Variants in PPM1H observed in about 807,000 individuals in gnomAD.
PPM1H encodes the protein protein phosphatase, Mg2+/Mn2+ dependent 1H.
Under a neutral mutation model 54.9 loss-of-function variants are expected in PPM1H, and 27 were observed. The ratio of observed to expected loss-of-function variants is 0.49; its 90% confidence interval spans 0.36 to 0.68. The LOEUF is 0.68. PPM1H is among the 30% of genes least tolerant of loss of function. The pLI, the probability that PPM1H is intolerant of heterozygous loss-of-function variation, is 0.00. For synonymous variants in PPM1H, 305 were observed against 270.8 expected (o/e 1.13, Z -1.24); for missense variants, 596 against 667.8 (o/e 0.89, Z 1.19).
At chr12:62,867,593 T>C (rs1869826911) in intron 1 of PPM1H, among the ~76,000 whole-genome samples, 1 of 130,830 alleles carries the variant, frequency 7.6e-6, no homozygotes, top group African/African-American at 3.0e-5. Context: ...TTTTTTTTTT[T>C]TTGAGACAGA....
chr12:62,898,552 C>T lies in PPM1H; in HGVS notation c.245+35940G>A, dbSNP rs11174713. On this transcript the variant is annotated intron_variant, in intron 1 of 9. Transcript: ENST00000228705. ...CAAAACAGTGCAAACATACACAAAT[C>T]ACAACACACTTCTTAATTTGTTCCT... 4.7e-3 allele frequency among the ~76,000 whole-genome samples: 714 copies of T among 152,296 alleles called. 11 individuals are homozygous for T. The East Asian group carries it at 0.068, about 14-fold the overall frequency.
chr12:62,698,929 C>T lies in PPM1H; in HGVS notation c.1074-4930G>A, dbSNP rs569349123. 9.4e-4 allele frequency among the ~76,000 whole-genome samples: 143 copies of T among 152,262 alleles called. 2 individuals carry two copies. Among genetic ancestry groups the T allele is most frequent in the African/African-American group, 3.3e-3 (139 of 41,568 alleles). Reference sequence around the variant, plus strand: ...ATTGTTCCAACTCACTGACAACTTCCTGAACTCAGATCCTTCCATCCAAAA... The same window carrying T: ...ATTGTTCCAACTCACTGACAACTTCTTGAACTCAGATCCTTCCATCCAAAA... On this transcript the variant is annotated intron_variant, in intron 6 of 9. Coordinates refer to ENST00000228705, the MANE Select transcript of PPM1H (RefSeq NM_020700.2).
intron 4 of PPM1H, among the ~76,000 whole-genome samples, chr12:62,770,078 CTT>C (rs35021122): frequency 4.2e-5 from 6 of 144,022 alleles, no homozygotes; most frequent in East Asian, 2.0e-4. Flanking sequence ...CAACTTTCAG[CTT>C]TTTTTTTTTT....
chr12:62,836,095 G>A (rs918877013), intron 1 of PPM1H, among the ~76,000 whole-genome samples: 1 of 152,202 alleles, frequency 6.6e-6, no homozygotes, highest in African/African-American at 2.4e-5. Flanking sequence ...CAGGAAAAAC[G>A]ACTATGCTAT....
At chr12:62,695,715 G>C (rs1438516580) in intron 6 of PPM1H, among the ~76,000 whole-genome samples, 1 of 152,134 alleles carries the variant, frequency 6.6e-6, no homozygotes, top group South Asian at 2.1e-4. Context: ...AGCCAAGGTT[G>C]AGATCCACTA....
intron 1 of PPM1H, among the ~76,000 whole-genome samples, chr12:62,905,785 C>T (rs1871286339): frequency 1.3e-5 from 2 of 152,170 alleles, no homozygotes; most frequent in African/African-American, 4.8e-5. Context: ...TAACCACAGA[C>T]TTCATCCCTC....
rs553797801 is a variant in PPM1H, at chr12:62,702,466, A to G, written c.1074-8467T>C. 1.1e-4 allele frequency among the ~76,000 whole-genome samples: 17 copies of G among 151,990 alleles called. No homozygotes were observed. In the South Asian group the frequency reaches 3.5e-3, roughly 32 times the overall value. ...TGCTTAACCCATGGGCCAGGAACCT[A>G]GAGTTCACACTTTGGCATCATCAAC... On this transcript the variant is annotated intron_variant, in intron 6 of 9. Transcript: ENST00000228705.
chr12:62,785,861 G>GAA lies in PPM1H; in HGVS notation c.869+2363_869+2364dup, dbSNP rs35904349. Among the ~76,000 whole-genome samples, 10 of 129,438 alleles carry GAA rather than the reference G, an allele frequency of 7.7e-5. No homozygotes were observed. In the East Asian group the frequency reaches 1.2e-3, roughly 15 times the overall value. The allele number at this position is 129,438 out of a possible 152,430, so 84.9% of individuals were successfully genotyped here. ...GAAGGAAACTACGTTTAAAAATGAG[G>GAA]AAAAAAAAAAAAAAAAGAGAGAAAA... On this transcript the variant is annotated intron_variant, in intron 4 of 9. Coordinates refer to ENST00000228705, the MANE Select transcript of PPM1H (RefSeq NM_020700.2).
intron 9 of PPM1H, chr12:62,659,200 G>C: frequency 1.5e-6 from 1 of 686,736 alleles, no homozygotes; most frequent in Non-Finnish European, 2.7e-6. Context: ...CCCAATGCCA[G>C]GCTGTGCAGC....
intron 2 of PPM1H, among the ~76,000 whole-genome samples, chr12:62,809,357 C>T (rs2076822786): frequency 6.6e-6 from 1 of 152,220 alleles, no homozygotes; most frequent in Admixed American, 6.5e-5. Flanking sequence ...GGCCTGTACA[C>T]TTATTTTAAG....
chr12:62,889,228 C>T (rs1449596469), intron 1 of PPM1H, among the ~76,000 whole-genome samples: 1 of 152,136 alleles, frequency 6.6e-6, no homozygotes, highest in Non-Finnish European at 1.5e-5. Flanking sequence ...CAATTCCAAT[C>T]AAAATTTCAG....
intron 1 of PPM1H, among the ~76,000 whole-genome samples, chr12:62,858,934 A>G (rs1335569669): frequency 1.3e-5 from 2 of 152,204 alleles, no homozygotes; most frequent in Admixed American, 1.3e-4. Flanking sequence ...CCTAAAACCC[A>G]TTTTAAAGAT....
At chr12:62,839,608 G>A (rs11174689) in intron 1 of PPM1H, among the ~76,000 whole-genome samples, 11,308 of 151,534 alleles carry the variant, frequency 0.075, 569 homozygotes, top group Middle Eastern at 0.14. Flanking sequence ...TGGCCTCATG[G>A]GCATTTGAAT....
intron 1 of PPM1H, chr12:62,850,971 T>C (rs1005410429): frequency 2.0e-5 from 3 of 152,124 alleles, no homozygotes; most frequent in Admixed American, 2.0e-4. Context: ...ATAAATTAAA[T>C]TGAAGAAAAA....
At chr12:62,680,284 C>T (rs2076012304) in intron 8 of PPM1H, among the ~76,000 whole-genome samples, 1 of 150,154 alleles carries the variant, frequency 6.7e-6, no homozygotes, top group South Asian at 2.1e-4. Context: ...CCCTCCCTTC[C>T]TTCCTTTACT....
At chr12:62,659,454 T>C (rs2075869993) in intron 9 of PPM1H, among the ~76,000 whole-genome samples, 1 of 152,122 alleles carries the variant, frequency 6.6e-6, no homozygotes, top group African/African-American at 2.4e-5. Flanking sequence ...CCTGAGAGGA[T>C]GGTGTGAGGG....
intron 6 of PPM1H, among the ~76,000 whole-genome samples, chr12:62,719,167 G>C (rs911185832): frequency 6.6e-6 from 1 of 152,080 alleles, no homozygotes; most frequent in South Asian, 2.1e-4. Flanking sequence ...ATCTTCTCTG[G>C]GTAGCTCAAC....
intron 6 of PPM1H, among the ~76,000 whole-genome samples, chr12:62,697,261 G>A (rs1449226546): frequency 6.6e-6 from 1 of 151,990 alleles, no homozygotes; most frequent in African/African-American, 2.4e-5. Flanking sequence ...CAAGTAGCTG[G>A]GATTACAGGT....
intron 8 of PPM1H, among the ~76,000 whole-genome samples, chr12:62,681,891 T>C (rs1453041454): frequency 6.6e-6 from 1 of 152,236 alleles, no homozygotes; most frequent in African/African-American, 2.4e-5. Context: ...GGAACTAATA[T>C]TTATTATGCC....
Sources: allele counts gnomAD v4.1 joint callset (sites outside exome capture counted in the v4.1 genomes callset), GRCh38; gene constraint gnomAD v4.1.1; transcripts MANE v1.5; gene names NCBI Gene and HGNC (gene_info 2026-07-23, HGNC 2026-07-21).